DLG1: variants seen among roughly 807,000 people sequenced by gnomAD.
The protein encoded by DLG1 is disks large homolog 1.
DLG1 carries 42 observed loss-of-function variants against 123.4 expected under a neutral mutation model. The observed-to-expected ratio is 0.34, with a 90% CI of 0.27 to 0.44. DLG1 has a LOEUF of 0.44. Among genes scored for constraint, DLG1 ranks in the 20% least tolerant of loss-of-function variants. The probability of loss-of-function intolerance (pLI) is 1.00; values close to 1 mark genes in which losing one functional copy is unlikely to be tolerated. For synonymous variants in DLG1, 317 were observed against 356.2 expected (o/e 0.89, Z 1.24); for missense variants, 942 against 1,082.6 (o/e 0.87, Z 1.82).
chr3:197,076,753 G>A, intron 17 of DLG1, 68 bp from the exon 18 acceptor site: 1 of 1,200,790 alleles, frequency 8.3e-7, no homozygotes, highest in Non-Finnish European at 1.2e-6. Context: ...GCCCAGCCTA[G>A]CAGCTCTGTG....
intron 13 of DLG1, among the ~76,000 whole-genome samples, chr3:197,115,630 A>G (rs1490500608): frequency 6.6e-6 from 1 of 152,238 alleles, no homozygotes; most frequent in Non-Finnish European, 1.5e-5. Context: ...ATTAAAGTAT[A>G]AAGAAGTACA....
intron 14 of DLG1, among the ~76,000 whole-genome samples, chr3:197,103,004 AG>A (rs1359805362): frequency 6.6e-6 from 1 of 152,260 alleles, no homozygotes; most frequent in South Asian, 2.1e-4. Context: ...CTGATCCTAC[AG>A]AGGCAGGCTG....
chr3:197,247,514 G>T (rs1396496720), intron 4 of DLG1, among the ~76,000 whole-genome samples: 1 of 152,028 alleles, frequency 6.6e-6, no homozygotes, highest in African/African-American at 2.4e-5. Flanking sequence ...CCAACACAGG[G>T]CATAATCTAT....
intron 5 of DLG1, among the ~76,000 whole-genome samples, chr3:197,175,216 T>C (rs1007251621): frequency 2.6e-5 from 4 of 152,320 alleles, no homozygotes; most frequent in African/African-American, 9.6e-5. Flanking sequence ...GTGGTAACTG[T>C]AGGCTACTGT....
intron 4 of DLG1, among the ~76,000 whole-genome samples, chr3:197,272,743 A>G (rs943308318): frequency 3.9e-5 from 6 of 152,230 alleles, no homozygotes; most frequent in Admixed American, 3.3e-4. Context: ...AAGGGGGTAT[A>G]TACACTGTGT....
At chr3:197,262,563 G>A (rs558863072) in intron 4 of DLG1, among the ~76,000 whole-genome samples, 3 of 152,340 alleles carry the variant, frequency 2.0e-5, no homozygotes, top group Admixed American at 2.0e-4. Flanking sequence ...AGAAGCATAG[G>A]TCACAATCTA....
intron 4 of DLG1, among the ~76,000 whole-genome samples, chr3:197,247,281 A>C (rs528929093): frequency 6.6e-6 from 1 of 152,162 alleles, no homozygotes; most frequent in Non-Finnish European, 1.5e-5. Flanking sequence ...GCGTGTGGTT[A>C]GGGAGGCCAG....
chr3:197,215,285 T>C (rs1174438165), intron 4 of DLG1, among the ~76,000 whole-genome samples: 1 of 152,082 alleles, frequency 6.6e-6, no homozygotes, highest in Non-Finnish European at 1.5e-5. Context: ...TTATATATCA[T>C]GGGGAAAATG....
intron 4 of DLG1, among the ~76,000 whole-genome samples, chr3:197,199,077 T>C (rs1220861221): frequency 6.6e-6 from 1 of 152,118 alleles, no homozygotes. Context: ...ATTATAAAAA[T>C]TATCATGATA....
At chr3:197,097,871 C>T (rs550914820) in intron 14 of DLG1, among the ~76,000 whole-genome samples, 62 of 152,144 alleles carry the variant, frequency 4.1e-4, no homozygotes, top group African/African-American at 1.2e-3. Flanking sequence ...TGAGCCACCG[C>T]GCCCAACCCT....
At chr3:197,237,792 C>G (rs902323458) in intron 4 of DLG1, among the ~76,000 whole-genome samples, 3 of 152,206 alleles carry the variant, frequency 2.0e-5, no homozygotes, top group African/African-American at 7.2e-5. Context: ...AACCCTACTT[C>G]TACATACTGT....
At chr3:197,268,396 T>C (rs959069817) in intron 4 of DLG1, among the ~76,000 whole-genome samples, 1 of 152,170 alleles carries the variant, frequency 6.6e-6, no homozygotes, top group African/African-American at 2.4e-5. Context: ...TTTGGCATAA[T>C]ATGACAGTTG....
At position 197,289,892 on chromosome 3, in the gene DLG1, T is replaced by C. The variant is rs551060813; in HGVS notation, c.151+6454A>G. On this transcript the variant is annotated intron_variant, in intron 3 of 24. Transcript: ENST00000667157. ...ATCACTTGAATACTTTAGATACTAT[T>C]AGACTAAGAATCATACATGACTCAC... 7.4e-4 allele frequency among the ~76,000 whole-genome samples: 113 copies of C among 152,352 alleles called. 1 individual carries two copies. The highest frequency in any genetic ancestry group is 2.7e-3 in the African/African-American group (111 of 41,586).
chr3:197,064,032 C>G (rs1426728730), intron 22 of DLG1, among the ~76,000 whole-genome samples: 2 of 150,772 alleles, frequency 1.3e-5, no homozygotes, highest in Non-Finnish European at 2.9e-5. Flanking sequence ...AAGCGATTCT[C>G]CTGCCTCAGC....
intron 5 of DLG1, chr3:197,184,047 A>C (rs1714249165): frequency 7.7e-7 from 1 of 1,296,258 alleles, no homozygotes; most frequent in Non-Finnish European, 9.8e-7. Context: ...CAGACAAAAA[A>C]GACGACATAA....
chr3:197,221,470 A>C (rs1487875049), intron 4 of DLG1, among the ~76,000 whole-genome samples: 1 of 151,904 alleles, frequency 6.6e-6, no homozygotes, highest in Non-Finnish European at 1.5e-5. Flanking sequence ...CAGTGAACCG[A>C]GCCGAGGCTG....
intron 4 of DLG1, among the ~76,000 whole-genome samples, chr3:197,227,290 T>G (rs1049251356): frequency 6.6e-6 from 1 of 152,004 alleles, no homozygotes; most frequent in Admixed American, 6.5e-5. Flanking sequence ...CTGGCCAACA[T>G]GGTGAAACCC....
At chr3:197,080,037 T>C (rs1047789275) in intron 17 of DLG1, among the ~76,000 whole-genome samples, 14 of 151,618 alleles carry the variant, frequency 9.2e-5, no homozygotes, top group Admixed American at 9.2e-4. Flanking sequence ...TTGCTATAAA[T>C]GGTATTTAAC....
intron 4 of DLG1, among the ~76,000 whole-genome samples, chr3:197,198,377 A>G (rs1261367511): frequency 6.6e-6 from 1 of 151,208 alleles, no homozygotes; most frequent in Non-Finnish European, 1.5e-5. Flanking sequence ...AGTCCCAACT[A>G]CTTGGGAGGC....
Sources: gnomAD v4.1 joint callset for allele counts (sites outside exome capture counted in the v4.1 genomes callset) on GRCh38, gnomAD v4.1.1 for gene constraint, MANE v1.5 for transcripts, NCBI Gene and HGNC (gene_info 2026-07-23, HGNC 2026-07-21) for gene names.